Variants in CNTN1 observed in about 807,000 individuals in gnomAD.
CNTN1 encodes the protein contactin-1.
CNTN1 carries 38 observed loss-of-function variants against 126.4 expected under a neutral mutation model. The observed-to-expected ratio is 0.30, with a 90% CI of 0.23 to 0.39. The LOEUF (loss-of-function observed/expected upper bound fraction) is 0.39, where lower values mean the gene tolerates loss of function less well. Ranked by LOEUF, CNTN1 falls within the 10% of genes least tolerant of loss-of-function variation. The pLI is 1.00. For synonymous variants in CNTN1, 413 were observed against 422.6 expected (o/e 0.98, Z 0.28); for missense variants, 1,009 against 1,248.4 (o/e 0.81, Z 2.89).
intron 13 of CNTN1, 45 bp from the exon 14 acceptor site, chr12:40,943,950 G>A (rs1183639085): frequency 3.2e-6 from 5 of 1,552,008 alleles, no homozygotes; most frequent in Admixed American, 1.7e-5. Flanking sequence ...ATAATATTGT[G>A]TCTTATATCT....
Position 40,952,407 on chromosome 12 carries a change from C to T in CNTN1, c.1684-6707C>T, listed in dbSNP as rs187104487. On this transcript the variant is annotated intron_variant, in intron 14 of 23. Coordinates refer to ENST00000551295, the MANE Select transcript of CNTN1 (RefSeq NM_001843.4). ...AAGAAAATGTATGTAAAGTAGCTAG[C>T]ACATTGCTAGACATTTAAAAAACAT... Among the ~76,000 whole-genome samples, 87 of 152,070 alleles carry T rather than the reference C, an allele frequency of 5.7e-4. 2 individuals are homozygous for T. The highest frequency in any genetic ancestry group is 2.0e-3 in the African/African-American group (81 of 41,500).
chr12:40,724,210 C>T (rs905893901), intron 1 of CNTN1, among the ~76,000 whole-genome samples: 9 of 152,062 alleles, frequency 5.9e-5, no homozygotes, highest in African/African-American at 1.7e-4. Context: ...ATGTGTAAGT[C>T]GGTCCCGGAT....
At position 40,781,137 on chromosome 12, in the gene CNTN1, G is replaced by A. The variant is rs558533721; in HGVS notation, c.-77+88545G>A. ...ATGTAAGTGACCAGCAAAGAGAATA[G>A]TGCATCTTGGGACATAAGCTATGAC... On this transcript the variant is annotated intron_variant, in intron 1 of 23. Transcript: ENST00000551295. Among the ~76,000 whole-genome samples the A allele has an allele frequency of 7.9e-5, 12 of 152,038 alleles. No homozygotes were observed. The South Asian group carries it at 2.5e-3, about 32-fold the overall frequency.
intron 1 of CNTN1, among the ~76,000 whole-genome samples, chr12:40,832,973 G>A (rs550277731): frequency 5.9e-5 from 9 of 152,188 alleles, no homozygotes; most frequent in Admixed American, 2.0e-4. Context: ...CTCTCCCTCT[G>A]CCTCCTGACC....
chr12:40,846,467 GA>G (rs1426611832), intron 1 of CNTN1, among the ~76,000 whole-genome samples: 7 of 152,102 alleles, frequency 4.6e-5, no homozygotes, highest in Non-Finnish European at 7.4e-5. Context: ...CTCCGTCTCA[GA>G]AAAGAATAAG....
intron 1 of CNTN1, among the ~76,000 whole-genome samples, chr12:40,838,638 T>C (rs899515654): frequency 1.3e-5 from 2 of 152,074 alleles, no homozygotes; most frequent in Non-Finnish European, 2.9e-5. Flanking sequence ...CTAATAACCA[T>C]ACCCTAACCC....
At chr12:40,959,004 C>A in intron 14 of CNTN1, 110 bp from the exon 15 acceptor site, 9 of 1,294,986 alleles carry the variant, frequency 6.9e-6, no homozygotes, top group Middle Eastern at 1.9e-4. Context: ...AAAACACATT[C>A]TTTAAGTGGT....
intron 21 of CNTN1, among the ~76,000 whole-genome samples, chr12:41,026,989 T>C (rs929301204): frequency 3.9e-5 from 6 of 151,906 alleles, no homozygotes; most frequent in Admixed American, 6.6e-5. Flanking sequence ...TGGCAATGAG[T>C]GGGATGAGAG....
At chr12:40,907,584 T>A (rs1270314597) in intron 1 of CNTN1, among the ~76,000 whole-genome samples, 1 of 152,242 alleles carries the variant, frequency 6.6e-6, no homozygotes, top group African/African-American at 2.4e-5. Context: ...AAAAGCAAGA[T>A]ATTTTAATTA....
intron 6 of CNTN1, among the ~76,000 whole-genome samples, chr12:40,926,248 A>C (rs891754400): frequency 6.7e-6 from 1 of 150,112 alleles, no homozygotes; most frequent in Admixed American, 6.6e-5. Flanking sequence ...GGGGAGAGTA[A>C]GTATTGAGGG....
At chr12:40,846,341 G>A (rs775564052) in intron 1 of CNTN1, among the ~76,000 whole-genome samples, 13 of 152,272 alleles carry the variant, frequency 8.5e-5, no homozygotes, top group African/African-American at 2.2e-4. Flanking sequence ...GGTGGCGGGC[G>A]CCTGCAGTCC....
chr12:40,720,477 A>T (rs1160322550), intron 1 of CNTN1, among the ~76,000 whole-genome samples: 1 of 152,136 alleles, frequency 6.6e-6, no homozygotes, highest in African/African-American at 2.4e-5. Flanking sequence ...ATTAAGGCAC[A>T]GAGTCAAATA....
intron 23 of CNTN1, chr12:41,061,618 A>G (rs1191573736): frequency 3.2e-6 from 1 of 310,622 alleles, no homozygotes; most frequent in African/African-American, 2.2e-5. Flanking sequence ...AGCATAAATA[A>G]GGGAAAATGT....
chr12:41,013,316 G>A (rs1268472973), intron 17 of CNTN1, among the ~76,000 whole-genome samples: 2 of 152,054 alleles, frequency 1.3e-5, no homozygotes, highest in Non-Finnish European at 2.9e-5. Context: ...AGTTCCTGCC[G>A]GCATTCACCC....
chr12:41,001,455 T>G (rs1377357057), intron 17 of CNTN1, among the ~76,000 whole-genome samples: 1 of 152,150 alleles, frequency 6.6e-6, no homozygotes, highest in African/African-American at 2.4e-5. Flanking sequence ...GGGTTGTTTT[T>G]TCTTGTAAAT....
At chr12:40,812,607 A>C (rs934126448) in intron 1 of CNTN1, among the ~76,000 whole-genome samples, 2 of 152,110 alleles carry the variant, frequency 1.3e-5, no homozygotes, top group African/African-American at 4.8e-5. Context: ...ATATATATTT[A>C]CAATGGTTAT....
intron 1 of CNTN1, among the ~76,000 whole-genome samples, chr12:40,722,968 T>C (rs1401084417): frequency 1.3e-5 from 2 of 152,190 alleles, no homozygotes; most frequent in South Asian, 2.1e-4. Context: ...AAGAACTAAA[T>C]AGAATTTATT....
At chr12:40,716,030 G>C (rs1164724681) in intron 1 of CNTN1, among the ~76,000 whole-genome samples, 1 of 151,952 alleles carries the variant, frequency 6.6e-6, no homozygotes, top group Non-Finnish European at 1.5e-5. Flanking sequence ...CTTTCTTTAT[G>C]TCAGGCACTA....
intron 1 of CNTN1, among the ~76,000 whole-genome samples, chr12:40,891,949 T>G (rs1944253630): frequency 6.6e-6 from 1 of 152,130 alleles, no homozygotes; most frequent in South Asian, 2.1e-4. Flanking sequence ...TGATTGGAAT[T>G]GTATTGAATC....
Sources: allele counts gnomAD v4.1 joint callset (sites outside exome capture counted in the v4.1 genomes callset), GRCh38; gene constraint gnomAD v4.1.1; transcripts MANE v1.5; gene names NCBI Gene and HGNC (gene_info 2026-07-23, HGNC 2026-07-21).